TBC1D10A: variants seen among roughly 807,000 people sequenced by gnomAD.
TBC1D10A encodes the protein EBP50-PDX interactor of 64 kDa.
In TBC1D10A, 24 loss-of-function variants were observed where a neutral mutation model predicts 52.9. The observed-to-expected ratio is 0.45, with a 90% CI of 0.33 to 0.64. The LOEUF (loss-of-function observed/expected upper bound fraction) is 0.64. TBC1D10A is among the 30% of genes least tolerant of loss of function. The probability of loss-of-function intolerance (pLI) is 0.02; values close to 1 mark genes in which losing one functional copy is unlikely to be tolerated. For missense variants in TBC1D10A, 602 were observed against 687.9 expected, an observed-to-expected ratio of 0.88 and a Z score of 1.40; for synonymous variants, 278 against 282.9, an observed-to-expected ratio of 0.98 and a Z score of 0.17.
In TBC1D10A at chr22:30,308,091, C is replaced by T. The variant is rs149273065; in HGVS notation, c.210-3461G>A. 7.5e-3 allele frequency among the ~76,000 whole-genome samples: 1,142 copies of T among 152,322 alleles called. 21 individuals carry two copies. Among genetic ancestry groups the T allele is most frequent in the African/African-American group, 0.026 (1,073 of 41,576 alleles). On this transcript the variant is annotated intron_variant, in intron 1 of 8. Transcript: ENST00000215790. The stretch of plus-strand genomic sequence containing the variant: ...GATTACAGGCGTGAGCCACAGCGCC[C>T]GGCCCATTCTCCCCATTTTAAAGTA...
At position 30,325,631 on chromosome 22, in the gene TBC1D10A, C is replaced by A. The variant is rs185255535; in HGVS notation, c.209+1042G>T. On this transcript the variant is annotated intron_variant, in intron 1 of 8. Coordinates refer to ENST00000215790, the MANE Select transcript of TBC1D10A (RefSeq NM_031937.3). ...GGGACCGCCAGCCTGTACACATGAT[C>A]TCTGAGGCCTGGGCTCGGGGGATTC... Among the ~76,000 whole-genome samples the A allele has an allele frequency of 1.5e-3, 223 of 152,190 alleles. 1 individual carries two copies. Among genetic ancestry groups the A allele is most frequent in the African/African-American group, 5.3e-3 (219 of 41,512 alleles).
rs745878820 is a variant in TBC1D10A at position 30,292,836 on chromosome 22, C to T, written c.1066G>A (p.Val356Met). Residue 356 changes from valine (V) to methionine (M), a missense_variant, in exon 9 of 9, where the codon GTG (valine) becomes ATG (methionine). Transcript: ENST00000215790. Reference protein sequence around the residue: ...FLVQEVVELPVTERQIEREHL... With the variant: ...FLVQEVVELPMTERQIEREHL... ...TCGCGCTCAATCTGGCGCTCTGTCA[C>T]GGGCAACTCCACCACCTGCAGGGGC... 2.1e-5 allele frequency: 34 copies of T among 1,610,982 alleles called. No individual in the cohort carries two copies. The highest frequency in any genetic ancestry group is 2.8e-5 in the Non-Finnish European group (33 of 1,179,928).
intron 3 of TBC1D10A, 130 bp downstream of exon 3, chr22:30,299,314 G>T: frequency 2.2e-6 from 2 of 899,196 alleles, no homozygotes; most frequent in Non-Finnish European, 3.5e-6. Flanking sequence ...CTGGGCAGTT[G>T]GGCACATGAC....
At position 30,294,983 on chromosome 22, in the gene TBC1D10A, C is replaced by T. The variant is rs765762324; in HGVS notation, c.597G>A (p.Gln199=). The T allele has an allele frequency of 6.2e-7, 1 of 1,614,096 alleles. No individual in the cohort carries two copies. The highest frequency in any genetic ancestry group is 1.1e-5 in the South Asian group (1 of 91,084). The part of the protein sequence containing the change: ...YRPEEGYCQA[Q]APIAAVLLMH... ...TGAGCAAGACAGCGGCAATGGGCGC[C>T]TGGGCCTGGCAGTAGCCCTCCTCGG... Residue 199 remains glutamine (Q), a synonymous_variant, in exon 5 of 9, where the codon CAG becomes CAA. Coordinates refer to ENST00000215790, the MANE Select transcript of TBC1D10A (RefSeq NM_031937.3).
chr22:30,324,924 C>T lies in TBC1D10A; in HGVS notation c.209+1749G>A, dbSNP rs1179001332. Among the ~76,000 whole-genome samples, 6 of 152,192 alleles carry T rather than the reference C, an allele frequency of 3.9e-5. No homozygotes were observed. The East Asian group carries it at 1.2e-3, about 29-fold the overall frequency. ...AAGATCTGGTTGATTGCCTGATAAGCATGTAGTAGGAACTCTCATGCCCTA... is the reference window on the plus strand; with the variant it reads ...AAGATCTGGTTGATTGCCTGATAAGTATGTAGTAGGAACTCTCATGCCCTA... On this transcript the variant is annotated intron_variant, in intron 1 of 8. Transcript: ENST00000215790.
intron 8 of TBC1D10A, chr22:30,293,179 G>A (rs1361620926): frequency 1.6e-6 from 1 of 640,448 alleles, no homozygotes; most frequent in Non-Finnish European, 3.0e-6. Flanking sequence ...CCGCTGCCCA[G>A]GGCAGCCTGG....
intron 2 of TBC1D10A, 110 bp from the exon 3 acceptor site, chr22:30,299,661 G>GA: frequency 1.0e-6 from 1 of 972,706 alleles, no homozygotes; most frequent in Non-Finnish European, 1.5e-6. Flanking sequence ...AGCAAGAGCA[G>GA]AAACAGGGAG....
intron 1 of TBC1D10A, among the ~76,000 whole-genome samples, chr22:30,308,303 CCTGCCTGCCTGCA>C: frequency 7.1e-6 from 1 of 139,926 alleles, no homozygotes; most frequent in African/African-American, 2.8e-5. Context: ...TGCCTGCATG[CCTGCCTGCCTGCA>C]TGCCTGCATG....
chr22:30,294,936 G>A lies in TBC1D10A; in HGVS notation c.639+5C>T, dbSNP rs781141191. The A allele has an allele frequency of 3.7e-6, 6 of 1,613,872 alleles. No homozygotes were observed. The African/African-American group carries it at 8.0e-5, about 22-fold the overall frequency. On this transcript the variant is annotated splice_donor_5th_base_variant and intron_variant, in intron 5 of 8. Transcript: ENST00000215790. ...CCCCCCTGCCTGCCCGGGGCCTGGT[G>A]GTACCTCAGCAGGCATATGCATGAG...
Position 30,295,818 on chromosome 22 carries a change from G to A in TBC1D10A, c.443C>T (p.Pro148Leu). 1 of 1,613,816 alleles carries A rather than the reference G, an allele frequency of 6.2e-7. No homozygotes were observed. The stretch of plus-strand genomic sequence containing the variant: ...ACGCTCAATCACGTCCAGCCACTTG[G>A]GGTCCCCAGGGGACATGTCCAGCTC... ...FDELDMSPGD[P>L]KWLDVIERDL... Residue 148 changes from proline (P) to leucine (L), a missense_variant, in exon 4 of 9, where the codon CCC becomes CTC. Pro to Leu is a moderately conservative substitution (Grantham distance 98, BLOSUM62 -3). This residue lies in a region of TBC1D10A where 201 missense variants were observed against 204.4 expected (regional missense o/e 0.98). Coordinates refer to ENST00000215790, the MANE Select transcript of TBC1D10A (RefSeq NM_031937.3).
At chr22:30,324,521 T>C (rs556383593) in intron 1 of TBC1D10A, among the ~76,000 whole-genome samples, 1 of 152,224 alleles carries the variant, frequency 6.6e-6, no homozygotes, top group African/African-American at 2.4e-5. Flanking sequence ...TTTGTGGTTG[T>C]GGGGTAAGAA....
chr22:30,314,722 G>A (rs1343086852), intron 1 of TBC1D10A, among the ~76,000 whole-genome samples: 2 of 151,118 alleles, frequency 1.3e-5, no homozygotes, highest in African/African-American at 4.9e-5. Context: ...TGAGGTGGAA[G>A]ATTGCTTGAG....
At chr22:30,300,425 G>A (rs1930178414) in intron 2 of TBC1D10A, 1 of 151,360 alleles carries the variant, frequency 6.6e-6, no homozygotes, top group Non-Finnish European at 1.5e-5. Context: ...CTCCAGCCGG[G>A]GCGACAGACC....
intron 1 of TBC1D10A, among the ~76,000 whole-genome samples, chr22:30,314,358 T>C (rs1930489775): frequency 1.3e-5 from 2 of 152,198 alleles, no homozygotes; most frequent in Admixed American, 1.3e-4. Flanking sequence ...CTTCTTAAAA[T>C]GGGGACTATG....
chr22:30,322,918 G>A lies in TBC1D10A; in HGVS notation c.209+3755C>T, dbSNP rs114868026. 6.9e-5 allele frequency among the ~76,000 whole-genome samples: 10 copies of A among 144,268 alleles called. No homozygotes were observed. The East Asian group carries it at 1.4e-3, about 21-fold the overall frequency. The allele number at this position is 144,268 out of a possible 152,430, so 94.6% of individuals were successfully genotyped here. ...TCTTTTTTTTTTTTTTTTGAGACAG[G>A]GTCATGTTCTGTCTCAAGAAAGAGC... On this transcript the variant is annotated intron_variant, in intron 1 of 8. Transcript: ENST00000215790.
Position 30,292,303 on chromosome 22 carries a change from G to A in TBC1D10A, c.*72C>T. 2.2e-6 allele frequency: 3 copies of A among 1,372,612 alleles called. No individual in the cohort carries two copies. The highest frequency in any genetic ancestry group is 2.9e-6 in the Non-Finnish European group (3 of 1,018,808). The allele number at this position is 1,372,612 out of a possible 1,614,324, so 85.0% of individuals were successfully genotyped here. ...CAGCTTGGCCCTCAGAGGGTGGGCA[G>A]GATGTGGAATGTCAGTTCATGAACC... is the stretch of plus-strand genomic sequence containing the variant. On this transcript the variant is annotated 3_prime_UTR_variant, in exon 9 of 9. Transcript: ENST00000215790.
At chr22:30,298,739 C>T (rs925626180) in intron 3 of TBC1D10A, 3 of 152,338 alleles carry the variant, frequency 2.0e-5, no homozygotes, top group Non-Finnish European at 4.4e-5. Flanking sequence ...GGAGGAGCTG[C>T]CCAGCTCTGA....
Position 30,326,929 on chromosome 22 carries a change from T to G in TBC1D10A, c.-48A>C, listed in dbSNP as rs1333361743. On this transcript the variant is annotated 5_prime_UTR_variant, in exon 1 of 9. Transcript: ENST00000215790. ...GCTCCAGCGGCCACCTCAGCCGCCCTGCTGCCGCCGACGCCCCGCCCACGC... is the reference window on the plus strand; with the variant it reads ...GCTCCAGCGGCCACCTCAGCCGCCCGGCTGCCGCCGACGCCCCGCCCACGC... The G allele has an allele frequency of 1.5e-6, 2 of 1,374,770 alleles. No homozygotes were observed. The highest frequency in any genetic ancestry group is 3.1e-5 in the East Asian group (1 of 32,456). 85.2% of individuals were successfully genotyped at this position (1,374,770 alleles called of 1,614,324 possible).
chr22:30,299,397 G>A (rs770709532), intron 3 of TBC1D10A, 47 bp downstream of exon 3: 45 of 1,579,956 alleles, frequency 2.8e-5, no homozygotes, highest in South Asian at 7.8e-5. Context: ...TGGGGAGGAC[G>A]CCAAGAGATG....
Sources: allele counts gnomAD v4.1 joint callset (sites outside exome capture counted in the v4.1 genomes callset), GRCh38; gene constraint gnomAD v4.1.1; regional missense constraint gnomAD v4.1.1; transcripts MANE v1.5; gene names NCBI Gene and HGNC (gene_info 2026-07-23, HGNC 2026-07-21).